RAP1GDS1: variants seen among roughly 807,000 people sequenced by gnomAD.
The protein encoded by RAP1GDS1 is RAP1, GTP-GDP dissociation stimulator 1.
RAP1GDS1 carries 35 observed loss-of-function variants against 71.1 expected under a neutral mutation model. The observed-to-expected ratio is 0.49, with a 90% CI of 0.38 to 0.65. The LOEUF (loss-of-function observed/expected upper bound fraction) is 0.65. RAP1GDS1 is among the 30% of genes least tolerant of loss of function. The probability of loss-of-function intolerance (pLI) is 0.00; values close to 1 mark genes in which losing one functional copy is unlikely to be tolerated. For synonymous variants in RAP1GDS1, 229 were observed against 243.1 expected (o/e 0.94, Z 0.54); for missense variants, 663 against 706.1 (o/e 0.94, Z 0.69).
At chr4:98,269,442 G>A (rs969706328) in intron 1 of RAP1GDS1, among the ~76,000 whole-genome samples, 1 of 151,964 alleles carries the variant, frequency 6.6e-6, no homozygotes, top group Non-Finnish European at 1.5e-5. Context: ...GGCACCAAAA[G>A]CACAGGCAAC....
chr4:98,389,265 G>A (rs1412518466), intron 5 of RAP1GDS1, among the ~76,000 whole-genome samples: 2 of 151,884 alleles, frequency 1.3e-5, no homozygotes, highest in African/African-American at 2.4e-5. Flanking sequence ...TGTCCATGAA[G>A]TGGAAATTTA....
At chr4:98,352,396 G>C (rs767822852) in intron 3 of RAP1GDS1, 80 bp from the exon 4 acceptor site, 136 of 1,449,196 alleles carry the variant, frequency 9.4e-5, no homozygotes, top group Non-Finnish European at 1.2e-4. Context: ...TTAAAAGTAG[G>C]TATTTATTTT....
At chr4:98,262,463 C>T (rs1362589172) in intron 1 of RAP1GDS1, among the ~76,000 whole-genome samples, 1 of 152,144 alleles carries the variant, frequency 6.6e-6, no homozygotes, top group Non-Finnish European at 1.5e-5. Context: ...ATACATTTGA[C>T]CTAATTTTTT....
Position 98,326,241 on chromosome 4 carries a change from A to G in RAP1GDS1, c.113-16898A>G, listed in dbSNP as rs184239963. ...AAATATTTCATAGTTAACGCAGCCA[A>G]TATCTTAGCCATCTTCCCCAATAAA... On this transcript the variant is annotated intron_variant, in intron 2 of 14. Transcript: ENST00000408927. 5.3e-5 allele frequency among the ~76,000 whole-genome samples: 8 copies of G among 152,300 alleles called. No individual in the cohort carries two copies. In the East Asian group the frequency reaches 7.7e-4, roughly 15 times the overall value.
intron 2 of RAP1GDS1, among the ~76,000 whole-genome samples, chr4:98,335,633 T>C (rs1450194409): frequency 1.3e-5 from 2 of 152,110 alleles, no homozygotes; most frequent in African/African-American, 4.8e-5. Flanking sequence ...ATGTTTATCA[T>C]ATTAAATATT....
chr4:98,413,240 T>G (rs1286571399), intron 7 of RAP1GDS1, among the ~76,000 whole-genome samples: 3 of 151,782 alleles, frequency 2.0e-5, no homozygotes, highest in Non-Finnish European at 4.4e-5. Context: ...TTTATTATAC[T>G]TTAAGTTTTA....
At chr4:98,323,256 G>T (rs1400033054) in intron 2 of RAP1GDS1, among the ~76,000 whole-genome samples, 2 of 147,494 alleles carry the variant, frequency 1.4e-5, no homozygotes, top group Admixed American at 6.7e-5. Context: ...CCAATAACAG[G>T]AGCTGAAATT....
At chr4:98,349,836 GTT>G (rs576301992) in intron 3 of RAP1GDS1, among the ~76,000 whole-genome samples, 1 of 144,684 alleles carries the variant, frequency 6.9e-6, no homozygotes, top group Non-Finnish European at 1.5e-5. Context: ...AAACATCCCT[GTT>G]TTTTTTTTTA....
In RAP1GDS1 at chr4:98,420,358, ATTTATTTG is replaced by A. The variant is rs143418684; in HGVS notation, c.1300+222_1300+229del. Among the ~76,000 whole-genome samples the A allele has an allele frequency of 7.3e-3, 1,081 of 149,094 alleles. 19 individuals are homozygous for A. The highest frequency in any genetic ancestry group is 0.026 in the African/African-American group (1,029 of 40,098). ...ATATTATTTATTTATTTATTTATTT[ATTTATTTG>A]TTTATTTATTTATTTTTGAGACAGA... On this transcript the variant is annotated intron_variant, in intron 11 of 14. Coordinates refer to ENST00000408927, the MANE Select transcript of RAP1GDS1 (RefSeq NM_001100427.2).
intron 12 of RAP1GDS1, among the ~76,000 whole-genome samples, chr4:98,422,190 A>G (rs1748979481): frequency 6.6e-6 from 1 of 151,690 alleles, no homozygotes; most frequent in African/African-American, 2.4e-5. Context: ...ACAGAGCAAG[A>G]CTCCGTCTCA....
At chr4:98,267,450 G>A (rs1722853123) in intron 1 of RAP1GDS1, among the ~76,000 whole-genome samples, 1 of 152,128 alleles carries the variant, frequency 6.6e-6, no homozygotes. Flanking sequence ...CCCAGGTAGT[G>A]TGCATGGTAC....
chr4:98,274,449 G>A lies in RAP1GDS1; in HGVS notation c.4+12880G>A, dbSNP rs532598296. The stretch of plus-strand genomic sequence containing the variant: ...TGATAAATTAATGTTTTCCCTACTG[G>A]TTCAATGATACATGATAAATTGTTT... On this transcript the variant is annotated intron_variant, in intron 1 of 14. Transcript: ENST00000408927. 5.1e-4 allele frequency among the ~76,000 whole-genome samples: 78 copies of A among 152,222 alleles called. 1 individual carries two copies. The highest frequency in any genetic ancestry group is 1.8e-3 in the African/African-American group (76 of 41,550).
intron 1 of RAP1GDS1, among the ~76,000 whole-genome samples, chr4:98,280,078 T>C (rs1258929271): frequency 6.6e-6 from 1 of 152,222 alleles, no homozygotes; most frequent in African/African-American, 2.4e-5. Context: ...TACATGTGCA[T>C]GTGTCTTTAT....
At chr4:98,274,284 C>T (rs943575241) in intron 1 of RAP1GDS1, among the ~76,000 whole-genome samples, 1 of 152,124 alleles carries the variant, frequency 6.6e-6, no homozygotes, top group Non-Finnish European at 1.5e-5. Context: ...ACTCTGTAAC[C>T]ACTAAGCCAT....
intron 2 of RAP1GDS1, among the ~76,000 whole-genome samples, chr4:98,306,330 T>C (rs1434793219): frequency 6.6e-6 from 1 of 152,218 alleles, no homozygotes; most frequent in Admixed American, 6.5e-5. Flanking sequence ...ACCTCATTGA[T>C]GGTACCTTTT....
intron 4 of RAP1GDS1, 88 bp downstream of exon 4, chr4:98,352,689 C>A: frequency 6.9e-7 from 1 of 1,445,698 alleles, no homozygotes; most frequent in Non-Finnish European, 9.4e-7. Context: ...AGTGACTTTT[C>A]TAGGCTAAAA....
At chr4:98,354,661 T>C (rs1737690522) in intron 4 of RAP1GDS1, among the ~76,000 whole-genome samples, 1 of 152,162 alleles carries the variant, frequency 6.6e-6, no homozygotes, top group Non-Finnish European at 1.5e-5. Context: ...TCTATTTATC[T>C]TATGGGATAT....
At chr4:98,361,545 T>C (rs1738754439) in intron 4 of RAP1GDS1, among the ~76,000 whole-genome samples, 2 of 152,128 alleles carry the variant, frequency 1.3e-5, no homozygotes, top group African/African-American at 4.8e-5. Flanking sequence ...GGAGCCTTTA[T>C]TAGATAAAGG....
At chr4:98,419,797 A>G (rs1244198288) in intron 10 of RAP1GDS1, among the ~76,000 whole-genome samples, 2 of 152,234 alleles carry the variant, frequency 1.3e-5, no homozygotes, top group Non-Finnish European at 2.9e-5. Context: ...TGTCATAAAA[A>G]TTATTATATT....
Sources: allele counts gnomAD v4.1 joint callset (sites outside exome capture counted in the v4.1 genomes callset), GRCh38; gene constraint gnomAD v4.1.1; transcripts MANE v1.5; gene names NCBI Gene and HGNC (gene_info 2026-07-23, HGNC 2026-07-21).